Variants in ALOX5 observed in about 807,000 individuals in gnomAD.
ALOX5 encodes arachidonate 5-lipoxygenase, also known as polyunsaturated fatty acid 5-lipoxygenase.
ALOX5 carries 64 observed loss-of-function variants against 87.9 expected under a neutral mutation model. The observed-to-expected ratio is 0.73, with a 90% confidence interval of 0.60 to 0.90. ALOX5 has a LOEUF of 0.90. Ranked by LOEUF, ALOX5 falls within the 40% of genes least tolerant of loss-of-function variation. The probability of loss-of-function intolerance (pLI) is 0.00; values close to 1 mark genes in which losing one functional copy is unlikely to be tolerated. For synonymous variants in ALOX5, 388 were observed against 355.1 expected, an observed-to-expected ratio of 1.09 and a Z score of -1.04; for missense variants, 822 against 907.5, an observed-to-expected ratio of 0.91 and a Z score of 1.21.
intron 2 of ALOX5, among the ~76,000 whole-genome samples, chr10:45,393,944 C>T (rs11952502): frequency 0.068 from 10,328 of 152,110 alleles, 479 homozygotes; most frequent in East Asian, 0.19. Flanking sequence ...CACTGCTCAA[C>T]GAAATAAAGG....
intron 7 of ALOX5, among the ~76,000 whole-genome samples, chr10:45,435,570 A>G (rs1247569097): frequency 6.6e-6 from 1 of 152,176 alleles, no homozygotes; most frequent in Non-Finnish European, 1.5e-5. Context: ...CTTAAGTGCC[A>G]ATCCTAAGCT....
At chr10:45,436,638 C>CTGTTT (rs1443636737) in intron 7 of ALOX5, among the ~76,000 whole-genome samples, 1 of 152,070 alleles carries the variant, frequency 6.6e-6, no homozygotes, top group Non-Finnish European at 1.5e-5. Flanking sequence ...GTATACCATG[C>CTGTTT]TGTTTTTGTT....
chr10:45,414,902 T>A (rs557055202), intron 4 of ALOX5, among the ~76,000 whole-genome samples: 23 of 152,308 alleles, frequency 1.5e-4, no homozygotes, highest in African/African-American at 5.5e-4. Context: ...CTTACACCAG[T>A]TAGAATGGCA....
rs187260989 is a variant in ALOX5, at chr10:45,389,283, A to G, written c.350-6572A>G. Among the ~76,000 whole-genome samples, 65 of 152,370 alleles carry G rather than the reference A, an allele frequency of 4.3e-4. No homozygotes were observed. The East Asian group carries it at 0.012, about 28-fold the overall frequency. On this transcript the variant is annotated intron_variant, in intron 2 of 13. Coordinates refer to ENST00000374391, the MANE Select transcript of ALOX5 (RefSeq NM_000698.5). The stretch of plus-strand genomic sequence containing the variant: ...GAAAACACTCTGCAGGATATTATGC[A>G]GGAGAACTTGCTCACCCTAGCAAGG...
chr10:45,418,619 G>A (rs760627099), intron 4 of ALOX5, among the ~76,000 whole-genome samples: 1 of 152,116 alleles, frequency 6.6e-6, no homozygotes, highest in Non-Finnish European at 1.5e-5. Context: ...TGCAGCCGGG[G>A]GCCATCTGAC....
intron 4 of ALOX5, among the ~76,000 whole-genome samples, chr10:45,419,545 C>T (rs995709600): frequency 6.6e-6 from 1 of 152,250 alleles, no homozygotes; most frequent in African/African-American, 2.4e-5. Context: ...CCCCGTGCTC[C>T]AGACGACCCA....
At chr10:45,436,351 C>T (rs537966281) in intron 7 of ALOX5, among the ~76,000 whole-genome samples, 1 of 151,992 alleles carries the variant, frequency 6.6e-6, no homozygotes, top group East Asian at 1.9e-4. Flanking sequence ...AGATTTTTTC[C>T]TAGGTTTTCT....
intron 5 of ALOX5, 58 bp from the exon 6 acceptor site, chr10:45,424,902 A>G (rs912802592): frequency 6.3e-7 from 1 of 1,596,938 alleles, no homozygotes; most frequent in Non-Finnish European, 8.6e-7. Flanking sequence ...CAGGAGGGCC[A>G]TGGCCCTGGC....
intron 4 of ALOX5, among the ~76,000 whole-genome samples, chr10:45,413,833 T>C (rs1325424472): frequency 6.6e-6 from 1 of 152,170 alleles, no homozygotes; most frequent in East Asian, 1.9e-4. Flanking sequence ...TGAACTCCCA[T>C]TCACAATTGC....
intron 4 of ALOX5, among the ~76,000 whole-genome samples, chr10:45,419,524 C>T (rs917034362): frequency 1.3e-5 from 2 of 152,214 alleles, no homozygotes; most frequent in Non-Finnish European, 2.9e-5. Flanking sequence ...GCCCCGCAGG[C>T]CAGCCACATG....
At chr10:45,401,820 TCTC>T (rs1420644635) in intron 3 of ALOX5, among the ~76,000 whole-genome samples, 2 of 152,214 alleles carry the variant, frequency 1.3e-5, no homozygotes, top group Non-Finnish European at 2.9e-5. Flanking sequence ...TTGACAAATT[TCTC>T]CTCAAAAATC....
At chr10:45,414,164 A>G (rs974303493) in intron 4 of ALOX5, among the ~76,000 whole-genome samples, 4 of 152,258 alleles carry the variant, frequency 2.6e-5, no homozygotes, top group Non-Finnish European at 4.4e-5. Context: ...AGCTGGAGGC[A>G]TCATGCTACC....
intron 12 of ALOX5, 57 bp from the exon 13 acceptor site, chr10:45,444,059 G>A (rs1324633269): frequency 1.3e-6 from 2 of 1,487,004 alleles, no homozygotes; most frequent in Admixed American, 2.2e-5. Context: ...GGCCCAGGGG[G>A]CAGCTGGGCA....
chr10:45,415,530 T>A (rs1241600200), intron 4 of ALOX5, among the ~76,000 whole-genome samples: 1 of 152,018 alleles, frequency 6.6e-6, no homozygotes, highest in Non-Finnish European at 1.5e-5. Flanking sequence ...TATACATATG[T>A]AACAATCCTG....
intron 2 of ALOX5, among the ~76,000 whole-genome samples, chr10:45,383,732 C>G (rs933058243): frequency 3.3e-5 from 5 of 152,170 alleles, no homozygotes; most frequent in African/African-American, 1.2e-4. Flanking sequence ...CCCATCGTTT[C>G]TGATGTGGAA....
At chr10:45,440,958 C>T (rs144031617) in intron 8 of ALOX5, among the ~76,000 whole-genome samples, 7 of 152,332 alleles carry the variant, frequency 4.6e-5, no homozygotes, top group South Asian at 2.1e-4. Flanking sequence ...TCCCTGTTCT[C>T]GAATCCTACA....
chr10:45,402,850 T>C (rs1840750900), intron 3 of ALOX5, among the ~76,000 whole-genome samples: 1 of 152,192 alleles, frequency 6.6e-6, no homozygotes, highest in Non-Finnish European at 1.5e-5. Context: ...GAAGTTTGAG[T>C]ACTTACTGTA....
chr10:45,379,138 C>T (rs915094344), intron 1 of ALOX5, among the ~76,000 whole-genome samples: 4 of 152,148 alleles, frequency 2.6e-5, no homozygotes, highest in African/African-American at 9.7e-5. Context: ...CCTGTGGGAC[C>T]TGCCCAGTCC....
At chr10:45,443,560 G>T (rs368323564) in intron 11 of ALOX5, 23 bp downstream of exon 11, 1 of 1,603,906 alleles carries the variant, frequency 6.2e-7, no homozygotes, top group Non-Finnish European at 8.5e-7. Context: ...GGACGTCTCC[G>T]GACCCGGCTC....
Sources: gnomAD v4.1 joint callset for allele counts (sites outside exome capture counted in the v4.1 genomes callset) on GRCh38, gnomAD v4.1.1 for gene constraint, MANE v1.5 for transcripts, NCBI Gene and HGNC (gene_info 2026-07-23, HGNC 2026-07-21) for gene names.